The following FADD variants were observed in gnomAD, a reference collection of about 807,000 sequenced individuals.
FADD encodes Fas associated via death domain, also known as FAS-associated death domain protein.
A neutral mutation model predicts 5.8 loss-of-function variants in FADD; 3 were observed. That is an observed-to-expected ratio of 0.52 (90% confidence interval 0.24 to 1.34). The LOEUF is 1.34. FADD is among the 40% of genes most tolerant of loss of function. FADD has a pLI of 0.17. For missense variants in FADD, 249 were observed against 286.7 expected, an observed-to-expected ratio of 0.87 and a Z score of 0.95; for synonymous variants, 138 against 130.8, an observed-to-expected ratio of 1.06 and a Z score of -0.38.
In FADD at chr11:70,206,734, G is replaced by T. The variant is rs1232883211; in HGVS notation, c.*261G>T. The stretch of plus-strand genomic sequence containing the variant: ...TTGTCTCCACTAAATGAGCTCCTGC[G>T]GGAGTAGTTGGAAAGTTGGAACCGT... On this transcript the variant is annotated 3_prime_UTR_variant, in exon 2 of 2. Coordinates refer to ENST00000301838, the MANE Select transcript of FADD (RefSeq NM_003824.4). 1 of 505,578 alleles carries T rather than the reference G, an allele frequency of 2.0e-6. No individual in the cohort carries two copies. The highest frequency in any genetic ancestry group is 3.6e-6 in the Non-Finnish European group (1 of 276,788). The allele number at this position is 505,578 out of a possible 1,614,324, so 31.3% of individuals were successfully genotyped here.
Position 70,206,633 on chromosome 11 carries a change from C to A in FADD, c.*160C>A. The A allele has an allele frequency of 1.5e-6, 1 of 674,608 alleles. No homozygotes were observed. The highest frequency in any genetic ancestry group is 2.6e-6 in the Non-Finnish European group (1 of 383,794). The allele number at this position is 674,608 out of a possible 1,614,324, so 41.8% of individuals were successfully genotyped here. On this transcript the variant is annotated 3_prime_UTR_variant, in exon 2 of 2. Transcript: ENST00000301838. ...GAACTCAAGCTGCGTTTATTAATGCCTCTCCCGCACCAGGCCGGGCTTGGG... is the reference window on the plus strand; with the variant it reads ...GAACTCAAGCTGCGTTTATTAATGCATCTCCCGCACCAGGCCGGGCTTGGG...
chr11:70,206,437 A>T lies in FADD; in HGVS notation c.591A>T (p.Ser197=). The change falls in exon 2 of 2, where the codon TCA becomes TCT. Residue 197 remains serine, a synonymous_variant. Coordinates refer to ENST00000301838, the MANE Select transcript of FADD (RefSeq NM_003824.4). ...QNRSGAMSPM[S]WNSDASTSEA... Reference sequence around the variant, plus strand: ...GGAGTGGGGCCATGTCCCCGATGTCATGGAACTCAGACGCATCTACCTCCG... The same window carrying T: ...GGAGTGGGGCCATGTCCCCGATGTCTTGGAACTCAGACGCATCTACCTCCG... The T allele has an allele frequency of 6.2e-7, 1 of 1,614,018 alleles. No individual in the cohort carries two copies. Among genetic ancestry groups the T allele is most frequent in the Non-Finnish European group, 8.5e-7 (1 of 1,180,006 alleles).
Position 70,203,431 on chromosome 11 carries a change from C to T in FADD, c.-29C>T. 1 of 1,554,332 alleles carries T rather than the reference C, an allele frequency of 6.4e-7. No individual in the cohort carries two copies. Among genetic ancestry groups the T allele is most frequent in the Non-Finnish European group, 8.7e-7 (1 of 1,149,714 alleles). ...ACAGAGGGCGCACGGAGGGCCGGGC[C>T]GCAGCCCCGGCCGCTTGCAGACCCC... On this transcript the variant is annotated 5_prime_UTR_variant, in exon 1 of 2. Transcript: ENST00000301838.
At chr11:70,205,813 C>T (rs941290348) in intron 1 of FADD, among the ~76,000 whole-genome samples, 1 of 152,220 alleles carries the variant, frequency 6.6e-6, no homozygotes, top group Non-Finnish European at 1.5e-5. Context: ...CCTCCCACAA[C>T]TCCCCAGCCC....
In FADD at chr11:70,206,608, G is replaced by A; in HGVS notation, c.*135G>A. ...AGTGAGCCACAGACCACCTGCTTCT[G>A]AACTCAAGCTGCGTTTATTAATGCC... On this transcript the variant is annotated 3_prime_UTR_variant, in exon 2 of 2. Coordinates refer to ENST00000301838, the MANE Select transcript of FADD (RefSeq NM_003824.4). 3 of 782,916 alleles carry A rather than the reference G, an allele frequency of 3.8e-6. No individual in the cohort carries two copies. The highest frequency in any genetic ancestry group is 6.4e-6 in the Non-Finnish European group (3 of 470,894). 48.5% of individuals were successfully genotyped at this position (782,916 alleles called of 1,614,324 possible).
chr11:70,204,832 C>T (rs541008859), intron 1 of FADD, among the ~76,000 whole-genome samples: 7 of 152,248 alleles, frequency 4.6e-5, no homozygotes, highest in African/African-American at 1.4e-4. Context: ...ACATAGCTGA[C>T]ATTTGAGATG....
rs1226361188 is a variant in FADD at position 70,207,325 on chromosome 11, GC to G, written c.*853del. 1 of 152,062 alleles carries G rather than the reference GC, an allele frequency of 6.6e-6. No homozygotes were observed. Among genetic ancestry groups the G allele is most frequent in the Non-Finnish European group, 1.5e-5 (1 of 68,030 alleles). The allele number at this position is 152,062 out of a possible 1,614,324, so 9.4% of individuals were successfully genotyped here. A position where few individuals can be genotyped will look rare whatever the true frequency, so the allele number is the denominator to read the frequency against. On this transcript the variant is annotated 3_prime_UTR_variant, in exon 2 of 2. Coordinates refer to ENST00000301838, the MANE Select transcript of FADD (RefSeq NM_003824.4). ...CAGCGGGATCTCGTATCTTTAAAAA[GC>G]AGTCCTCTTATTCCTAAGGTAATCC...
intron 1 of FADD, among the ~76,000 whole-genome samples, chr11:70,205,930 G>A (rs530937641): frequency 6.7e-6 from 1 of 149,556 alleles, no homozygotes; most frequent in Admixed American, 6.8e-5. Context: ...AGAGCAGGGG[G>A]TTTGGCTGAG....
intron 1 of FADD, among the ~76,000 whole-genome samples, chr11:70,205,571 C>T (rs926033822): frequency 1.3e-5 from 2 of 152,116 alleles, no homozygotes; most frequent in African/African-American, 4.8e-5. Context: ...GACTTGTGGC[C>T]GCTTCACTCC....
chr11:70,205,166 G>A (rs561156598), intron 1 of FADD, among the ~76,000 whole-genome samples: 1 of 152,146 alleles, frequency 6.6e-6, no homozygotes, highest in African/African-American at 2.4e-5. Context: ...ACCTGCCAAC[G>A]GTGTCTCAGA....
At position 70,206,542 on chromosome 11, in the gene FADD, G is replaced by A; in HGVS notation, c.*69G>A. 6.8e-7 allele frequency: 1 copy of A among 1,466,710 alleles called. No homozygotes were observed. Among genetic ancestry groups the A allele is most frequent in the Non-Finnish European group, 9.4e-7 (1 of 1,062,876 alleles). 90.9% of individuals were successfully genotyped at this position (1,466,710 alleles called of 1,614,324 possible). A position where few individuals can be genotyped will look rare whatever the true frequency, so the allele number is the denominator to read the frequency against. On this transcript the variant is annotated 3_prime_UTR_variant, in exon 2 of 2. Transcript: ENST00000301838. Reference sequence around the variant, plus strand: ...CCTGGACTTTGGTTCTCTCCAGGAAGGTAGCCCAGCACTGTGAAGACCCAG... The same window carrying A: ...CCTGGACTTTGGTTCTCTCCAGGAAAGTAGCCCAGCACTGTGAAGACCCAG...
rs565643575 is a variant in FADD at position 70,203,825 on chromosome 11, C to T, written c.286+80C>T. The T allele has an allele frequency of 3.1e-5, 19 of 620,866 alleles. No homozygotes were observed. In the African/African-American group the frequency reaches 3.5e-4, roughly 11 times the overall value. 38.5% of individuals were successfully genotyped at this position (620,866 alleles called of 1,614,324 possible). A position where few individuals can be genotyped will look rare whatever the true frequency, so the allele number is the denominator to read the frequency against. On this transcript the variant is annotated intron_variant, in intron 1 of 1. Coordinates refer to ENST00000301838, the MANE Select transcript of FADD (RefSeq NM_003824.4). ...CTGCGAGGCTCCTCCGGTTGGCCTC[C>T]AGGCGCCTCCCCTTTGCCGGGTTTG...
rs574843211 is a variant in FADD at position 70,207,302 on chromosome 11, G to A, written c.*829G>A. On this transcript the variant is annotated 3_prime_UTR_variant, in exon 2 of 2. Transcript: ENST00000301838. Reference sequence around the variant, plus strand: ...TTCTGATAACAGAATTGCCAAGGCAGCGGGATCTCGTATCTTTAAAAAGCA... The same window carrying A: ...TTCTGATAACAGAATTGCCAAGGCAACGGGATCTCGTATCTTTAAAAAGCA... The A allele has an allele frequency of 6.6e-6, 1 of 152,292 alleles. No individual in the cohort carries two copies. The highest frequency in any genetic ancestry group is 2.1e-4 in the South Asian group (1 of 4,826). 9.4% of individuals were successfully genotyped at this position (152,292 alleles called of 1,614,324 possible). A position where few individuals can be genotyped will look rare whatever the true frequency, so the allele number is the denominator to read the frequency against.
rs1565302545 is a variant in FADD, at chr11:70,206,501, A to G, written c.*28A>G. ...GGCCGCTGCTTTGCGCTGGTGGACC[A>G]CAGGCATCTACACAGCCTGGACTTT... On this transcript the variant is annotated 3_prime_UTR_variant, in exon 2 of 2. Transcript: ENST00000301838. The G allele has an allele frequency of 6.3e-7, 1 of 1,597,968 alleles. No homozygotes were observed. The highest frequency in any genetic ancestry group is 1.7e-5 in the Admixed American group (1 of 59,890).
At chr11:70,205,577 A>G (rs1435665125) in intron 1 of FADD, among the ~76,000 whole-genome samples, 1 of 151,704 alleles carries the variant, frequency 6.6e-6, no homozygotes, top group Non-Finnish European at 1.5e-5. Context: ...TGGCCGCTTC[A>G]CTCCAGGCTC....
chr11:70,205,368 C>G (rs771134480), intron 1 of FADD, among the ~76,000 whole-genome samples: 37 of 152,182 alleles, frequency 2.4e-4, no homozygotes, highest in Admixed American at 1.9e-3. Flanking sequence ...ATTGGAGTGC[C>G]TACTAGTTTC....
rs2135898212 is a variant in FADD, at chr11:70,203,734, C to G, written c.275C>G (p.Pro92Arg). 1.4e-6 allele frequency: 2 copies of G among 1,380,236 alleles called. No individual in the cohort carries two copies. Among genetic ancestry groups the G allele is most frequent in the South Asian group, 1.7e-5 (1 of 59,694 alleles). 85.5% of individuals were successfully genotyped at this position (1,380,236 alleles called of 1,614,324 possible). A position where few individuals can be genotyped will look rare whatever the true frequency, so the allele number is the denominator to read the frequency against. ...FEAGAAAGAA[P>R]GEEDLCAAFN... ...GCGGGGGCGGCGGCCGGGGCCGCGCCTGGGGAAGAAGGTGGGCGCGGGGCC... is the reference window on the plus strand; with the variant it reads ...GCGGGGGCGGCGGCCGGGGCCGCGCGTGGGGAAGAAGGTGGGCGCGGGGCC... The change falls in exon 1 of 2, where the codon CCT (proline) becomes CGT (arginine). Residue 92 changes from proline (P) to arginine (R), a missense_variant. Physicochemically the swap from Pro to Arg is moderately radical, Grantham distance 103. Coordinates refer to ENST00000301838, the MANE Select transcript of FADD (RefSeq NM_003824.4).
intron 1 of FADD, among the ~76,000 whole-genome samples, chr11:70,205,657 C>G (rs993922831): frequency 5.3e-5 from 8 of 152,116 alleles, no homozygotes; most frequent in Non-Finnish European, 7.4e-5. Context: ...CCAGGATGAT[C>G]TCCTCTCAAG....
Position 70,203,312 on chromosome 11 carries a change from T to C in FADD, c.-148T>C, listed in dbSNP as rs907803541. 1.4e-6 allele frequency: 2 copies of C among 1,407,380 alleles called. No individual in the cohort carries two copies. Among genetic ancestry groups the C allele is most frequent in the African/African-American group, 3.0e-5 (2 of 67,624 alleles). The allele number at this position is 1,407,380 out of a possible 1,614,324, so 87.2% of individuals were successfully genotyped here. On this transcript the variant is annotated 5_prime_UTR_variant, in exon 1 of 2. Transcript: ENST00000301838. ...CGAAAACGCGCTCTTGTCGATTTCCTGTAGTGAATCAGGCACCGGAGTGCA... is the reference window on the plus strand; with the variant it reads ...CGAAAACGCGCTCTTGTCGATTTCCCGTAGTGAATCAGGCACCGGAGTGCA...
Sources: allele counts gnomAD v4.1 joint callset (sites outside exome capture counted in the v4.1 genomes callset), GRCh38; gene constraint gnomAD v4.1.1; transcripts MANE v1.5; gene names NCBI Gene and HGNC (gene_info 2026-07-23, HGNC 2026-07-21).